Variants in HFM1 observed in about 807,000 individuals in gnomAD.
The protein encoded by HFM1 is helicase for meiosis 1.
Under a neutral mutation model 192.1 loss-of-function variants are expected in HFM1, and 169 were observed. That is an observed-to-expected ratio of 0.88 (90% confidence interval 0.78 to 1.00). The LOEUF (loss-of-function observed/expected upper bound fraction) is 1.00. HFM1 is among the 50% of genes least tolerant of loss of function. HFM1 has a pLI of 0.00. For missense variants in HFM1, 1,661 were observed against 1,668.0 expected, an observed-to-expected ratio of 1.00 and a Z score of 0.07; for synonymous variants, 525 against 537.8, an observed-to-expected ratio of 0.98 and a Z score of 0.33.
intron 19 of HFM1, among the ~76,000 whole-genome samples, chr1:91,344,182 T>C (rs1655789926): frequency 6.6e-6 from 1 of 152,176 alleles, no homozygotes; most frequent in African/African-American, 2.4e-5. Flanking sequence ...ATCAGAGCAA[T>C]TGTAGTAATC....
chr1:91,263,592 T>G (rs1197846238), intron 36 of HFM1, among the ~76,000 whole-genome samples: 1 of 151,970 alleles, frequency 6.6e-6, no homozygotes, highest in Admixed American at 6.6e-5. Context: ...AAAAAAAATT[T>G]TTTTTAATTA....
At chr1:91,310,013 C>T (rs1296470116) in intron 30 of HFM1, among the ~76,000 whole-genome samples, 2 of 151,666 alleles carry the variant, frequency 1.3e-5, no homozygotes, top group Non-Finnish European at 2.9e-5. Flanking sequence ...CCTAGAACAG[C>T]ATATTACTCT....
chr1:91,347,884 T>G (rs535297858), intron 18 of HFM1, among the ~76,000 whole-genome samples: 77 of 152,262 alleles, frequency 5.1e-4, no homozygotes, highest in African/African-American at 1.7e-3. Flanking sequence ...TATACATGTG[T>G]ATCAAAAGAT....
intron 13 of HFM1, among the ~76,000 whole-genome samples, chr1:91,357,472 A>G (rs1463199036): frequency 3.3e-5 from 5 of 152,228 alleles, no homozygotes; most frequent in African/African-American, 1.2e-4. Flanking sequence ...AACAAAGGCC[A>G]TTTATGAAAA....
intron 20 of HFM1, among the ~76,000 whole-genome samples, chr1:91,332,126 C>A (rs1303175541): frequency 1.3e-5 from 2 of 151,944 alleles, no homozygotes; most frequent in Non-Finnish European, 2.9e-5. Flanking sequence ...TATGGAACTA[C>A]AAAAGATCCA....
At chr1:91,300,620 C>G (rs1477251430) in intron 30 of HFM1, among the ~76,000 whole-genome samples, 2 of 152,140 alleles carry the variant, frequency 1.3e-5, no homozygotes, top group African/African-American at 4.8e-5. Flanking sequence ...GGATGCAAGG[C>G]TAGTTCAACA....
At chr1:91,367,652 GA>G (rs1159256720) in intron 13 of HFM1, among the ~76,000 whole-genome samples, 1 of 152,088 alleles carries the variant, frequency 6.6e-6, no homozygotes, top group Non-Finnish European at 1.5e-5. Flanking sequence ...TAAAGATGGG[GA>G]AAAAACAGAG....
intron 14 of HFM1, 43 bp downstream of exon 14, chr1:91,353,213 T>C: frequency 6.4e-7 from 1 of 1,561,182 alleles, no homozygotes; most frequent in South Asian, 1.1e-5. Context: ...GCACCTTTCA[T>C]CTATATGTGA....
At position 91,337,797 on chromosome 1, in the gene HFM1, C is replaced by T. The variant is rs576924392; in HGVS notation, c.2335+5633G>A. ...ATGACTGTGTGCAAAGGAAGAGAAC[C>T]CTCAACAGAATCTGACCATGTCAGC... is the stretch of plus-strand genomic sequence containing the variant. On this transcript the variant is annotated intron_variant, in intron 20 of 38. Transcript: ENST00000370425. Among the ~76,000 whole-genome samples, 3 of 152,238 alleles carry T rather than the reference C, an allele frequency of 2.0e-5. No homozygotes were observed. The East Asian group carries it at 5.8e-4, about 29-fold the overall frequency.
chr1:91,347,300 C>T (rs1197009208), intron 19 of HFM1, 129 bp downstream of exon 19: 1 of 472,468 alleles, frequency 2.1e-6, no homozygotes. Context: ...AAATAGTTCA[C>T]ATTATTTTTC....
intron 30 of HFM1, among the ~76,000 whole-genome samples, chr1:91,290,643 G>A (rs373094427): frequency 1.1e-4 from 17 of 152,118 alleles, no homozygotes; most frequent in African/African-American, 2.4e-4. Context: ...ACAGATCAAC[G>A]AGACAGAAAG....
intron 6 of HFM1, among the ~76,000 whole-genome samples, chr1:91,383,474 T>C (rs1039208855): frequency 5.9e-5 from 9 of 152,196 alleles, no homozygotes; most frequent in Non-Finnish European, 1.2e-4. Flanking sequence ...AACTCTCTTA[T>C]TGATCCCTCT....
At chr1:91,328,471 G>T in intron 20 of HFM1, 1 of 1,613,566 alleles carries the variant, frequency 6.2e-7, no homozygotes. Context: ...TGGCCGTAAG[G>T]TGGCCATTGA....
chr1:91,380,929 A>G lies in HFM1; in HGVS notation c.856T>C (p.Ser286Pro). ...KEFPYFNYIQ[S>P]KAFDDLLYTD... ...ATACTTACATCATCAAAGGCCTTGG[A>G]CTGTATATAGTTGAAATATGGAAAT... The change falls in exon 7 of 39, where the codon TCC becomes CCC. Residue 286 changes from serine (S) to proline (P), a missense_variant. Coordinates refer to ENST00000370425, the MANE Select transcript of HFM1 (RefSeq NM_001017975.6). 6.9e-7 allele frequency: 1 copy of G among 1,456,556 alleles called. No homozygotes were observed. 90.2% of individuals were successfully genotyped at this position (1,456,556 alleles called of 1,614,324 possible). A position where few individuals can be genotyped will look rare whatever the true frequency, so the allele number is the denominator to read the frequency against.
At chr1:91,270,600 C>A (rs890836727) in intron 34 of HFM1, among the ~76,000 whole-genome samples, 5 of 150,910 alleles carry the variant, frequency 3.3e-5, no homozygotes, top group African/African-American at 1.2e-4. Flanking sequence ...AAAAAAGAAT[C>A]CTTTTGCAAC....
intron 2 of HFM1, 54 bp downstream of exon 2, chr1:91,400,958 T>C (rs1266151115): frequency 1.2e-6 from 1 of 833,016 alleles, no homozygotes; most frequent in Non-Finnish European, 1.9e-6. Context: ...CTCACCCAAA[T>C]TCAAAAAACC....
chr1:91,284,971 G>A (rs1667804307), intron 30 of HFM1, among the ~76,000 whole-genome samples: 1 of 152,228 alleles, frequency 6.6e-6, no homozygotes, highest in East Asian at 1.9e-4. Context: ...GGAGATAATT[G>A]AATCATGGGG....
chr1:91,370,861 T>A (rs1392791267), intron 13 of HFM1, among the ~76,000 whole-genome samples: 1 of 152,130 alleles, frequency 6.6e-6, no homozygotes. Flanking sequence ...CAGCGCAAAA[T>A]CTCCTTAAGC....
intron 30 of HFM1, among the ~76,000 whole-genome samples, chr1:91,286,451 T>A (rs766071000): frequency 2.0e-5 from 3 of 152,198 alleles, no homozygotes; most frequent in Non-Finnish European, 4.4e-5. Flanking sequence ...ATAACTATAA[T>A]CTCTGCCTCT....
Sources: allele counts gnomAD v4.1 joint callset (sites outside exome capture counted in the v4.1 genomes callset), GRCh38; gene constraint gnomAD v4.1.1; transcripts MANE v1.5; gene names NCBI Gene and HGNC (gene_info 2026-07-23, HGNC 2026-07-21).